ATL2: variants seen among roughly 807,000 people sequenced by gnomAD.
The protein encoded by ATL2 is atlastin-2.
ATL2 carries 31 observed loss-of-function variants against 73.9 expected under a neutral mutation model. That is an observed-to-expected ratio of 0.42 (90% CI 0.32 to 0.57). The LOEUF is 0.57. Among genes scored for constraint, ATL2 ranks in the 20% least tolerant of loss-of-function variants. The pLI is 0.14. For missense variants in ATL2, 738 were observed against 702.6 expected (o/e 1.05, Z -0.57); for synonymous variants, 291 against 237.5 (o/e 1.23, Z -2.07).
chr2:38,351,949 T>C (rs1423024369), intron 1 of ATL2, among the ~76,000 whole-genome samples: 2 of 151,464 alleles, frequency 1.3e-5, no homozygotes, highest in Non-Finnish European at 1.5e-5. Context: ...CTGTCTCTAC[T>C]AAAAATACAA....
chr2:38,320,830 T>G (rs547878240), intron 2 of ATL2, among the ~76,000 whole-genome samples: 9 of 151,930 alleles, frequency 5.9e-5, no homozygotes, highest in African/African-American at 2.2e-4. Flanking sequence ...AGACACACAG[T>G]GGCAAAAACA....
At chr2:38,376,035 T>TATAA in intron 1 of ATL2, 1 of 1,372,932 alleles carries the variant, frequency 7.3e-7, no homozygotes. Flanking sequence ...GCAAAACCTT[T>TATAA]ACACACCGTA....
At chr2:38,374,689 A>G (rs1243983377) in intron 1 of ATL2, among the ~76,000 whole-genome samples, 1 of 152,258 alleles carries the variant, frequency 6.6e-6, no homozygotes, top group Non-Finnish European at 1.5e-5. Flanking sequence ...TTTAAAAAAT[A>G]TATGTTGAAC....
rs139523759 is a variant in ATL2, at chr2:38,363,310, C to G, written c.118+13833G>C. Among the ~76,000 whole-genome samples, 128 of 149,380 alleles carry G rather than the reference C, an allele frequency of 8.6e-4. 2 individuals are homozygous for G. The highest frequency in any genetic ancestry group is 3.1e-3 in the African/African-American group (125 of 40,672). The stretch of plus-strand genomic sequence containing the variant: ...AAACTCAGATCTGAATTCTTATATG[C>G]TCAGTACTTCTAGAAACCTGAAAAA... On this transcript the variant is annotated intron_variant, in intron 1 of 12. Coordinates refer to ENST00000378954, the MANE Select transcript of ATL2 (RefSeq NM_001135673.4).
Position 38,318,868 on chromosome 2 carries a change from T to C in ATL2, c.498+17A>G. On this transcript the variant is annotated intron_variant, in intron 3 of 12. Coordinates refer to ENST00000378954, the MANE Select transcript of ATL2 (RefSeq NM_001135673.4). ...CAAGAAAGAATACAGGGTAGAAAAG[T>C]ATAAACAGAATTTTACTTTAGTTCC... is the stretch of plus-strand genomic sequence containing the variant. 4 of 1,609,362 alleles carry C rather than the reference T, an allele frequency of 2.5e-6. No individual in the cohort carries two copies. Among genetic ancestry groups the C allele is most frequent in the Non-Finnish European group, 3.4e-6 (4 of 1,178,140 alleles).
In ATL2 at chr2:38,359,886, G is replaced by C. The variant is rs868178138; in HGVS notation, c.119-16374C>G. Among the ~76,000 whole-genome samples the C allele has an allele frequency of 3.9e-5, 6 of 152,210 alleles. No homozygotes were observed. In the South Asian group the frequency reaches 8.3e-4, roughly 21 times the overall value. On this transcript the variant is annotated intron_variant, in intron 1 of 12. Coordinates refer to ENST00000378954, the MANE Select transcript of ATL2 (RefSeq NM_001135673.4). Reference sequence around the variant, plus strand: ...CTCACGCCTGTAATCCTAGCCCTTTGGGAGGCCGAGGCAGGTGGATCACTT... The same window carrying C: ...CTCACGCCTGTAATCCTAGCCCTTTCGGAGGCCGAGGCAGGTGGATCACTT...
chr2:38,297,159 G>A (rs1489403918), intron 12 of ATL2, among the ~76,000 whole-genome samples: 1 of 151,910 alleles, frequency 6.6e-6, no homozygotes, highest in Non-Finnish European at 1.5e-5. Flanking sequence ...TAATATAGTG[G>A]GTCACTTTAT....
chr2:38,355,351 T>C (rs1573561005), intron 1 of ATL2, among the ~76,000 whole-genome samples: 1 of 152,286 alleles, frequency 6.6e-6, no homozygotes, highest in African/African-American at 2.4e-5. Context: ...GGTCTTGAAC[T>C]TCTGACCTCC....
chr2:38,352,935 A>G (rs1420042169), intron 1 of ATL2, among the ~76,000 whole-genome samples: 1 of 152,260 alleles, frequency 6.6e-6, no homozygotes, highest in African/African-American at 2.4e-5. Flanking sequence ...CGAAGTATGA[A>G]GCAAAGCCAA....
intron 9 of ATL2, 149 bp downstream of exon 9, chr2:38,309,230 A>C (rs1667612079): frequency 1.4e-6 from 1 of 719,262 alleles, no homozygotes; most frequent in Non-Finnish European, 2.1e-6. Flanking sequence ...CCTTAAATAC[A>C]GATACATCTA....
chr2:38,304,714 GC>G (rs1667359228), intron 9 of ATL2, among the ~76,000 whole-genome samples: 1 of 152,028 alleles, frequency 6.6e-6, no homozygotes, highest in African/African-American at 2.4e-5. Flanking sequence ...GTTTGTTTAG[GC>G]AATCAGTGTT....
At chr2:38,296,368 C>T (rs1666893599) in intron 12 of ATL2, 1 of 1,492,860 alleles carries the variant, frequency 6.7e-7, no homozygotes, top group South Asian at 1.3e-5. Flanking sequence ...CTATATGCAG[C>T]ATCAAATCTG....
At chr2:38,312,602 G>A (rs1041123995) in intron 7 of ATL2, among the ~76,000 whole-genome samples, 8 of 151,848 alleles carry the variant, frequency 5.3e-5, no homozygotes, top group African/African-American at 1.2e-4. Flanking sequence ...TCCCAGCTAC[G>A]GGAGGCTGAG....
rs755618538 is a variant in ATL2, at chr2:38,310,483, G to A, written c.805-36C>T. 11 of 1,562,718 alleles carry A rather than the reference G, an allele frequency of 7.0e-6. 1 individual carries two copies. In the South Asian group the frequency reaches 1.3e-4, roughly 19 times the overall value. On this transcript the variant is annotated intron_variant, in intron 7 of 12. Transcript: ENST00000378954. ...AGAGAGACAGGTGAAATTGTAAACAGAAGAAAGAAAATTTTTTTAAAGAAA... is the reference window on the plus strand; with the variant it reads ...AGAGAGACAGGTGAAATTGTAAACAAAAGAAAGAAAATTTTTTTAAAGAAA...
intron 1 of ATL2, chr2:38,376,206 G>A (rs200140234): frequency 1.3e-6 from 2 of 1,510,922 alleles, no homozygotes; most frequent in Non-Finnish European, 1.8e-6. Context: ...GATTTCATGC[G>A]ATCAATTCGC....
chr2:38,375,782 T>G (rs2124513194), intron 1 of ATL2, among the ~76,000 whole-genome samples: 1 of 152,340 alleles, frequency 6.6e-6, no homozygotes, highest in South Asian at 2.1e-4. Context: ...AGCTGCTTCT[T>G]TGGTAGTTTT....
At chr2:38,352,309 C>A (rs1282864051) in intron 1 of ATL2, among the ~76,000 whole-genome samples, 1 of 151,916 alleles carries the variant, frequency 6.6e-6, no homozygotes, top group Non-Finnish European at 1.5e-5. Flanking sequence ...TCAGACTGGC[C>A]CTCGACCGTG....
intron 5 of ATL2, among the ~76,000 whole-genome samples, chr2:38,314,988 C>T (rs13408679): frequency 1.1e-3 from 164 of 152,342 alleles, no homozygotes; most frequent in African/African-American, 3.8e-3. Context: ...CAGCGGCTCA[C>T]GCCGGGTAAT....
chr2:38,317,987 T>C (rs1260757988), intron 4 of ATL2, among the ~76,000 whole-genome samples: 8 of 152,106 alleles, frequency 5.3e-5, no homozygotes, highest in Non-Finnish European at 8.8e-5. Flanking sequence ...TCCTTTTTTT[T>C]CCCTTCAATC....
Sources: allele counts gnomAD v4.1 joint callset (sites outside exome capture counted in the v4.1 genomes callset), GRCh38; gene constraint gnomAD v4.1.1; transcripts MANE v1.5; gene names NCBI Gene and HGNC (gene_info 2026-07-23, HGNC 2026-07-21).